The following ZBTB43 variants were observed in gnomAD, a reference collection of about 807,000 sequenced individuals.
ZBTB43 encodes zinc finger and BTB domain containing 43.
ZBTB43 carries 6 observed loss-of-function variants against 31.1 expected under a neutral mutation model. That is an observed-to-expected ratio of 0.19 (90% CI 0.11 to 0.38). The LOEUF (loss-of-function observed/expected upper bound fraction) is 0.38. Ranked by LOEUF, ZBTB43 falls within the 10% of genes least tolerant of loss-of-function variation. ZBTB43 has a pLI of 1.00. For missense variants in ZBTB43, 379 were observed against 602.1 expected (o/e 0.63, Z 3.88); for synonymous variants, 212 against 221.7 (o/e 0.96, Z 0.39).
intron 2 of ZBTB43, among the ~76,000 whole-genome samples, chr9:126,812,869 T>C (rs1194912335): frequency 6.6e-6 from 1 of 152,212 alleles, no homozygotes; most frequent in Non-Finnish European, 1.5e-5. Flanking sequence ...GGTTGTGTGT[T>C]CACTTTCTTG....
chr9:126,811,704 C>T lies in ZBTB43; in HGVS notation c.-24+2789C>T, dbSNP rs549098025. 2.0e-5 allele frequency among the ~76,000 whole-genome samples: 3 copies of T among 152,264 alleles called. No homozygotes were observed. The South Asian group carries it at 6.2e-4, about 32-fold the overall frequency. ...GCAGTGGGGTAATCTTGGCTCACTG[C>T]AGCCTCCGCCTCCTGGGTTCAAGTG... On this transcript the variant is annotated intron_variant, in intron 2 of 2. Coordinates refer to ENST00000373464, the MANE Select transcript of ZBTB43 (RefSeq NM_014007.4).
At chr9:126,831,167 C>G (rs1359015068) in intron 2 of ZBTB43, among the ~76,000 whole-genome samples, 1 of 152,182 alleles carries the variant, frequency 6.6e-6, no homozygotes, top group East Asian at 1.9e-4. Flanking sequence ...GCTCAAGCCC[C>G]CAGGCCCCTC....
intron 2 of ZBTB43, among the ~76,000 whole-genome samples, chr9:126,815,242 CTATA>C (rs533551308): frequency 7.5e-5 from 2 of 26,562 alleles, no homozygotes; most frequent in Non-Finnish European, 1.7e-4. Flanking sequence ...ATATATAAAA[CTATA>C]TATATATAGT....
chr9:126,826,332 A>G (rs558313078), intron 2 of ZBTB43, among the ~76,000 whole-genome samples: 1 of 150,506 alleles, frequency 6.6e-6, no homozygotes, highest in Non-Finnish European at 1.5e-5. Context: ...TTTTTTGTAG[A>G]GATGGGGTTT....
chr9:126,809,397 T>G (rs762696234), intron 2 of ZBTB43, among the ~76,000 whole-genome samples: 33 of 152,224 alleles, frequency 2.2e-4, no homozygotes, highest in Non-Finnish European at 3.8e-4. Context: ...TGTGCCAGGC[T>G]TTAAATTTAC....
At position 126,833,323 on chromosome 9, in the gene ZBTB43, T is replaced by G. The variant is rs758532444; in HGVS notation, c.814T>G (p.Ser272Ala). 6.2e-7 allele frequency: 1 copy of G among 1,612,542 alleles called. No homozygotes were observed. The highest frequency in any genetic ancestry group is 8.5e-7 in the Non-Finnish European group (1 of 1,179,424). Residue 272 changes from serine (S) to alanine (A), a missense_variant, in exon 3 of 3, where the codon TCC (serine) becomes GCC (alanine). Coordinates refer to ENST00000373464, the MANE Select transcript of ZBTB43 (RefSeq NM_014007.4). This position sits in a 1 kb window ranked among gnomAD's most constrained non-coding sequence, Gnocchi z 7.9. ...ATYDEHQVTE[S>A]INTVQTEHTV... ...CTACGACGAGCACCAGGTCACAGAGTCCATCAACACCGTGCAGACAGAGCA... is the reference window on the plus strand; with the variant it reads ...CTACGACGAGCACCAGGTCACAGAGGCCATCAACACCGTGCAGACAGAGCA...
chr9:126,826,948 A>G (rs2032654577), intron 2 of ZBTB43, among the ~76,000 whole-genome samples: 1 of 152,144 alleles, frequency 6.6e-6, no homozygotes, highest in Non-Finnish European at 1.5e-5. Context: ...CTGTGAATGT[A>G]CTGTATATTC....
At position 126,834,770 on chromosome 9, in the gene ZBTB43, C is replaced by G. The variant is rs957069146; in HGVS notation, c.*857C>G. On this transcript the variant is annotated 3_prime_UTR_variant, in exon 3 of 3. Coordinates refer to ENST00000373464, the MANE Select transcript of ZBTB43 (RefSeq NM_014007.4). The stretch of plus-strand genomic sequence containing the variant: ...TTCTCTGTGGCTGGTAGACACCAAG[C>G]TGCTGTGACTGACCACGGTACCACG... The G allele has an allele frequency of 6.0e-6, 1 of 167,042 alleles. No individual in the cohort carries two copies. Among genetic ancestry groups the G allele is most frequent in the Non-Finnish European group, 1.5e-5 (1 of 68,140 alleles). The allele number at this position is 167,042 out of a possible 1,614,324, so 10.3% of individuals were successfully genotyped here.
At chr9:126,810,242 T>C (rs1448691656) in intron 2 of ZBTB43, among the ~76,000 whole-genome samples, 2 of 152,164 alleles carry the variant, frequency 1.3e-5, no homozygotes, top group Non-Finnish European at 2.9e-5. Context: ...TTGCCCAGGC[T>C]GGAGTGCAGT....
intron 2 of ZBTB43, among the ~76,000 whole-genome samples, chr9:126,815,534 T>C (rs1038197658): frequency 6.6e-6 from 1 of 151,378 alleles, no homozygotes; most frequent in African/African-American, 2.4e-5. Flanking sequence ...TTTGGGTAAG[T>C]TTTTGTTGCC....
chr9:126,826,639 A>AT (rs1046518005), intron 2 of ZBTB43, among the ~76,000 whole-genome samples: 3 of 147,936 alleles, frequency 2.0e-5, no homozygotes, highest in African/African-American at 7.5e-5. Flanking sequence ...AATTTTTTGT[A>AT]TTTTTTAGTA....
At position 126,835,214 on chromosome 9, in the gene ZBTB43, G is replaced by A. The variant is rs527927329; in HGVS notation, c.*1301G>A. 5.4e-5 allele frequency: 9 copies of A among 166,396 alleles called. No homozygotes were observed. In the South Asian group the frequency reaches 1.5e-3, roughly 27 times the overall value. The allele number at this position is 166,396 out of a possible 1,614,324, so 10.3% of individuals were successfully genotyped here. On this transcript the variant is annotated 3_prime_UTR_variant, in exon 3 of 3. Transcript: ENST00000373464. ...ACTTAAAAGTCCACAAAGCTACGCC[G>A]ACCAGAAAAAAAAAATTAAAAAAAC...
intron 2 of ZBTB43, among the ~76,000 whole-genome samples, chr9:126,815,255 GTTTTCAATATATAAAACTA>G (rs2032352573): frequency 1.6e-5 from 2 of 125,690 alleles, no homozygotes; most frequent in Admixed American, 1.6e-4. Context: ...TATATATATA[GTTTTCAATATATAAAACTA>G]TATATATATA....
chr9:126,821,682 A>G (rs1483319239), intron 2 of ZBTB43, among the ~76,000 whole-genome samples: 1 of 152,216 alleles, frequency 6.6e-6, no homozygotes, highest in African/African-American at 2.4e-5. Flanking sequence ...GGGATGAGCA[A>G]AGAAAATGGT....
chr9:126,829,304 T>A (rs556377404), intron 2 of ZBTB43, among the ~76,000 whole-genome samples: 50 of 152,288 alleles, frequency 3.3e-4, no homozygotes, highest in African/African-American at 1.2e-3. Flanking sequence ...TGGTAGAAAT[T>A]AAGCTATAAA....
chr9:126,814,078 T>C (rs2032307366), intron 2 of ZBTB43, among the ~76,000 whole-genome samples: 1 of 152,164 alleles, frequency 6.6e-6, no homozygotes, highest in Admixed American at 6.5e-5. Context: ...TCTAAACCTA[T>C]AGATTCTTGT....
At chr9:126,830,475 T>A (rs1167385048) in intron 2 of ZBTB43, among the ~76,000 whole-genome samples, 1 of 152,174 alleles carries the variant, frequency 6.6e-6, no homozygotes, top group Non-Finnish European at 1.5e-5. Flanking sequence ...CGAAACCCTG[T>A]CTCTGCAAAA....
chr9:126,821,933 G>A (rs746450671), intron 2 of ZBTB43, among the ~76,000 whole-genome samples: 1 of 152,070 alleles, frequency 6.6e-6, no homozygotes, highest in Non-Finnish European at 1.5e-5. Flanking sequence ...CACGATCTTG[G>A]CTCACTGCAA....
At chr9:126,809,276 CA>C (rs2032192042) in intron 2 of ZBTB43, among the ~76,000 whole-genome samples, 1 of 152,138 alleles carries the variant, frequency 6.6e-6, no homozygotes, top group Admixed American at 6.5e-5. Flanking sequence ...CAAAAGGATG[CA>C]ATGATACGGG....
Sources: allele counts gnomAD v4.1 joint callset (sites outside exome capture counted in the v4.1 genomes callset), GRCh38; gene constraint gnomAD v4.1.1; non-coding constraint Gnocchi (gnomAD v3.1); transcripts MANE v1.5; gene names NCBI Gene and HGNC (gene_info 2026-07-23, HGNC 2026-07-21).